Variants in INTS10 observed in about 807,000 individuals in gnomAD.
INTS10 encodes integrator complex subunit 10, also known as chromosome 8 open reading frame 35.
In INTS10, 44 loss-of-function variants were observed where a neutral mutation model predicts 94.4. The ratio of observed to expected loss-of-function variants is 0.47; its 90% CI spans 0.37 to 0.60. The LOEUF is 0.60. Ranked by LOEUF, INTS10 falls within the 20% of genes least tolerant of loss-of-function variation. The pLI, the probability that INTS10 is intolerant of heterozygous loss-of-function variation, is 0.00. For synonymous variants in INTS10, 341 were observed against 320.7 expected, an observed-to-expected ratio of 1.06 and a Z score of -0.68; for missense variants, 797 against 868.7, an observed-to-expected ratio of 0.92 and a Z score of 1.04.
chr8:19,822,020 T>C (rs2066417836), intron 4 of INTS10: 1 of 157,194 alleles, frequency 6.4e-6, no homozygotes, highest in Non-Finnish European at 1.4e-5. Context: ...CCTCAGAACT[T>C]ATCTTGAACG....
intron 12 of INTS10, 118 bp from the exon 13 acceptor site, chr8:19,836,934 G>C: frequency 1.5e-6 from 1 of 675,948 alleles, no homozygotes; most frequent in Non-Finnish European, 2.7e-6. Context: ...TAGAGAGGTA[G>C]AAATACAGAC....
At position 19,826,564 on chromosome 8, in the gene INTS10, G is replaced by T; in HGVS notation, c.1140+5G>T. 2 of 1,609,470 alleles carry T rather than the reference G, an allele frequency of 1.2e-6. No homozygotes were observed. Among genetic ancestry groups the T allele is most frequent in the Non-Finnish European group, 1.7e-6 (2 of 1,178,602 alleles). ...GAAGGAAGAGAAAAAACCATGGTAA[G>T]GCTTTCAAATATACTTATTAACAGA... is the stretch of plus-strand genomic sequence containing the variant. On this transcript the variant is annotated splice_donor_5th_base_variant and intron_variant, in intron 9 of 16. Transcript: ENST00000397977.
intron 15 of INTS10, chr8:19,845,452 G>T: frequency 2.1e-6 from 1 of 479,112 alleles, no homozygotes; most frequent in South Asian, 2.7e-5. Context: ...TCTGTGCGAG[G>T]GAGTTTAGTG....
At chr8:19,827,983 G>A (rs913553700) in intron 9 of INTS10, among the ~76,000 whole-genome samples, 1 of 152,068 alleles carries the variant, frequency 6.6e-6, no homozygotes, top group Non-Finnish European at 1.5e-5. Flanking sequence ...GGCCAAAAGA[G>A]GAGGATCACC....
At chr8:19,835,089 C>G (rs558359821) in intron 12 of INTS10, among the ~76,000 whole-genome samples, 1 of 151,904 alleles carries the variant, frequency 6.6e-6, no homozygotes, top group Non-Finnish European at 1.5e-5. Flanking sequence ...TAGTACTGGC[C>G]CTTAGACACA....
chr8:19,844,919 T>G (rs181201018), intron 15 of INTS10, among the ~76,000 whole-genome samples: 277 of 152,094 alleles, frequency 1.8e-3, no homozygotes, highest in African/African-American at 6.2e-3. Context: ...TTTTTTAGAG[T>G]TGGGGTCTTG....
intron 12 of INTS10, among the ~76,000 whole-genome samples, chr8:19,834,110 T>C (rs1589996889): frequency 6.6e-6 from 1 of 152,106 alleles, no homozygotes; most frequent in East Asian, 1.9e-4. Context: ...GGGTGGGGAC[T>C]ATGTTTTTAT....
chr8:19,820,554 A>C, intron 4 of INTS10, 36 bp downstream of exon 4: 2 of 1,581,592 alleles, frequency 1.3e-6, no homozygotes, highest in Non-Finnish European at 1.7e-6. Flanking sequence ...TTAATATAAA[A>C]TACAATGGGT....
chr8:19,822,046 A>G (rs988232281), intron 4 of INTS10: 4 of 164,394 alleles, frequency 2.4e-5, no homozygotes, highest in Admixed American at 1.2e-4. Flanking sequence ...CGTTTTGTCT[A>G]TATTGATACA....
In INTS10 at chr8:19,842,865, C is replaced by G. The variant is rs376453962; in HGVS notation, c.1657C>G (p.Leu553Val). ...KFRKGSDLKLLPCTSKAIMPY... is the reference protein window; with the variant it reads ...KFRKGSDLKLVPCTSKAIMPY... ...TCTGTTAGGTTCGGATCTGAAGCTCCTGCCTTGTACCAGCAAGGCTATCAT... is the reference window on the plus strand; with the variant it reads ...TCTGTTAGGTTCGGATCTGAAGCTCGTGCCTTGTACCAGCAAGGCTATCAT... The change falls in exon 14 of 17, where the codon CTG (leucine) becomes GTG (valine). Residue 553 changes from leucine to valine, a missense_variant. Transcript: ENST00000397977. 64 of 1,611,890 alleles carry G rather than the reference C, an allele frequency of 4.0e-5. No homozygotes were observed. In the African/African-American group the frequency reaches 6.9e-4, roughly 17 times the overall value.
chr8:19,849,350 T>G lies in INTS10; in HGVS notation c.1977-2299T>G. 2 of 389,252 alleles carry G rather than the reference T, an allele frequency of 5.1e-6. No homozygotes were observed. The highest frequency in any genetic ancestry group is 9.0e-6 in the Non-Finnish European group (2 of 221,544). 24.1% of individuals were successfully genotyped at this position (389,252 alleles called of 1,614,324 possible). ...TGCTCTTTTTCATGCTTTCTTTCTT[T>G]TTTAATTTGTTCCGCATTTTGGCAA... On this transcript the variant is annotated intron_variant, in intron 16 of 16. Coordinates refer to ENST00000397977, the MANE Select transcript of INTS10 (RefSeq NM_018142.4). This position sits in a 1 kb window ranked among gnomAD's most constrained non-coding sequence, Gnocchi z 4.6.
At chr8:19,832,697 C>T (rs907544909) in intron 11 of INTS10, among the ~76,000 whole-genome samples, 4 of 152,126 alleles carry the variant, frequency 2.6e-5, no homozygotes, top group African/African-American at 9.7e-5. Context: ...TACTTCTCAC[C>T]CTCCTCTCTC....
intron 13 of INTS10, among the ~76,000 whole-genome samples, chr8:19,839,955 C>G (rs2067991191): frequency 6.7e-6 from 1 of 148,986 alleles, no homozygotes; most frequent in African/African-American, 2.5e-5. Flanking sequence ...CCCAGCTACT[C>G]AGGAGGTTGA....
At position 19,822,491 on chromosome 8, in the gene INTS10, C is replaced by T. The variant is rs761182696; in HGVS notation, c.494C>T (p.Ser165Phe). 5.0e-6 allele frequency: 8 copies of T among 1,609,834 alleles called. No individual in the cohort carries two copies. The highest frequency in any genetic ancestry group is 1.7e-5 in the Admixed American group (1 of 59,994). The change falls in exon 5 of 17, where the codon TCT becomes TTT. Residue 165 changes from serine (S) to phenylalanine (F), a missense_variant. This residue lies in a region of INTS10 where 734 missense variants were observed against 787.8 expected (regional missense o/e 0.93). Coordinates refer to ENST00000397977, the MANE Select transcript of INTS10 (RefSeq NM_018142.4). The stretch of plus-strand genomic sequence containing the variant: ...GCTGAAACTATTGAAGAACAAGAAT[C>T]TCCAGTGAACTGCTTTAGAAAATTA... Reference protein sequence around the residue: ...LEAETIEEQESPVNCFRKLFV... With the variant: ...LEAETIEEQEFPVNCFRKLFV...
Position 19,819,618 on chromosome 8 carries a change from C to A in INTS10, c.243C>A (p.Ser81Arg), listed in dbSNP as rs866886233. 1 of 1,613,440 alleles carries A rather than the reference C, an allele frequency of 6.2e-7. No individual in the cohort carries two copies. Among genetic ancestry groups the A allele is most frequent in the Non-Finnish European group, 8.5e-7 (1 of 1,179,666 alleles). The stretch of plus-strand genomic sequence containing the variant: ...AGCCGGTGGTGTGGAGAGAAATCAG[C>A]ATTATTACATCAGCATTAAGGAACG... ...PDQPVVWREI[S>R]IITSALRNDS... Residue 81 changes from serine to arginine, a missense_variant, in exon 3 of 17, where the codon AGC (serine) becomes AGA (arginine). Transcript: ENST00000397977.
At position 19,821,987 on chromosome 8, in the gene INTS10, A is replaced by G. The variant is rs373107682; in HGVS notation, c.442-452A>G. The G allele has an allele frequency of 3.6e-4, 55 of 154,478 alleles. No homozygotes were observed. The South Asian group carries it at 0.011, about 31-fold the overall frequency. The allele number at this position is 154,478 out of a possible 1,614,324, so 9.6% of individuals were successfully genotyped here. A position where few individuals can be genotyped will look rare whatever the true frequency, so the allele number is the denominator to read the frequency against. ...ACTCTGACTTTTCTGTCCATTCTAC[A>G]CCAGACTGTATGACTGGCTACACCT... On this transcript the variant is annotated intron_variant, in intron 4 of 16. Transcript: ENST00000397977.
chr8:19,827,909 G>T (rs150676891), intron 9 of INTS10, among the ~76,000 whole-genome samples: 1,647 of 152,198 alleles, frequency 0.011, 28 homozygotes, highest in South Asian at 0.041. Flanking sequence ...AAATAACCTA[G>T]TATTTAAAAA....
At chr8:19,831,895 G>A in intron 10 of INTS10, 133 bp from the exon 11 acceptor site, 1 of 651,222 alleles carries the variant, frequency 1.5e-6, no homozygotes, top group Admixed American at 2.3e-5. Context: ...AGAGCAGTGT[G>A]TTAGAAATCA....
At chr8:19,836,352 C>A (rs552026950) in intron 12 of INTS10, among the ~76,000 whole-genome samples, 1 of 152,074 alleles carries the variant, frequency 6.6e-6, no homozygotes, top group Non-Finnish European at 1.5e-5. Context: ...AGAGAGGGAG[C>A]GGTGATGCAG....
Sources: gnomAD v4.1 joint callset for allele counts (sites outside exome capture counted in the v4.1 genomes callset) on GRCh38, gnomAD v4.1.1 for gene constraint, gnomAD v4.1.1 regional missense constraint, Gnocchi (gnomAD v3.1) non-coding constraint, MANE v1.5 for transcripts, NCBI Gene and HGNC (gene_info 2026-07-23, HGNC 2026-07-21) for gene names.